HEG1: variants seen among roughly 807,000 people sequenced by gnomAD.
HEG1 encodes the protein protein HEG homolog 1.
A neutral mutation model predicts 125.6 loss-of-function variants in HEG1; 56 were observed. The observed-to-expected ratio is 0.45, with a 90% CI of 0.36 to 0.56. HEG1 has a LOEUF of 0.56. Ranked by LOEUF, HEG1 falls within the 20% of genes least tolerant of loss-of-function variation. The pLI, the probability that HEG1 is intolerant of heterozygous loss-of-function variation, is 0.00. For synonymous variants in HEG1, 644 were observed against 668.5 expected, an observed-to-expected ratio of 0.96 and a Z score of 0.57; for missense variants, 1,523 against 1,670.0, an observed-to-expected ratio of 0.91 and a Z score of 1.53.
At chr3:125,043,821 T>A (rs772840157) in intron 1 of HEG1, among the ~76,000 whole-genome samples, 1 of 151,880 alleles carries the variant, frequency 6.6e-6, no homozygotes, top group Non-Finnish European at 1.5e-5. Flanking sequence ...CCTGCCAGGT[T>A]AGCGAAACAA....
chr3:124,971,702 G>T (rs971090278), intron 16 of HEG1, among the ~76,000 whole-genome samples: 4 of 151,576 alleles, frequency 2.6e-5, no homozygotes, highest in Non-Finnish European at 5.9e-5. Context: ...ATGTTAGCCA[G>T]AATGGTCTCG....
chr3:125,021,353 G>A (rs1054151073), intron 3 of HEG1, among the ~76,000 whole-genome samples: 3 of 151,588 alleles, frequency 2.0e-5, no homozygotes. Flanking sequence ...GGAGAACACC[G>A]AGATCCCTCA....
chr3:124,999,468 G>C (rs1364504502), intron 11 of HEG1, among the ~76,000 whole-genome samples: 1 of 152,190 alleles, frequency 6.6e-6, no homozygotes, highest in Non-Finnish European at 1.5e-5. Context: ...GCTGACACTT[G>C]CCTTGTCCAG....
chr3:124,984,101 A>G (rs1221118452), intron 14 of HEG1, among the ~76,000 whole-genome samples: 2 of 152,220 alleles, frequency 1.3e-5, no homozygotes, highest in African/African-American at 4.8e-5. Flanking sequence ...CATTGGTCTA[A>G]GTCTTTTATA....
chr3:125,008,475 T>C (rs977598297), intron 8 of HEG1, among the ~76,000 whole-genome samples: 9 of 152,218 alleles, frequency 5.9e-5, no homozygotes, highest in African/African-American at 2.2e-4. Context: ...AGATGAGTTA[T>C]TTTATCTGCC....
chr3:125,034,051 T>C (rs576293864), intron 1 of HEG1, among the ~76,000 whole-genome samples: 3 of 150,768 alleles, frequency 2.0e-5, no homozygotes, highest in Admixed American at 1.3e-4. Flanking sequence ...ATGTAAATTA[T>C]ATCTCCAATA....
At chr3:125,045,168 A>T (rs1937643705) in intron 1 of HEG1, among the ~76,000 whole-genome samples, 1 of 152,202 alleles carries the variant, frequency 6.6e-6, no homozygotes, top group African/African-American at 2.4e-5. Flanking sequence ...AGTGAAGCTC[A>T]CTAAACCTGT....
At position 124,972,401 on chromosome 3, in the gene HEG1, C is replaced by T. The variant is rs554432383; in HGVS notation, c.3996+1330G>A. Among the ~76,000 whole-genome samples the T allele has an allele frequency of 1.7e-4, 26 of 152,306 alleles. No individual in the cohort carries two copies. The South Asian group carries it at 1.9e-3, about 11-fold the overall frequency. Reference sequence around the variant, plus strand: ...AGAAATATCAATGGGAATATTTTTGCTAGAGCTAAGTTTGTATTTCTTTAT... The same window carrying T: ...AGAAATATCAATGGGAATATTTTTGTTAGAGCTAAGTTTGTATTTCTTTAT... On this transcript the variant is annotated intron_variant, in intron 16 of 16. Transcript: ENST00000311127.
intron 1 of HEG1, among the ~76,000 whole-genome samples, chr3:125,033,734 G>A (rs139078372): frequency 0.012 from 1,790 of 152,262 alleles, 32 homozygotes; most frequent in African/African-American, 0.04. Flanking sequence ...GTAGCGGTCC[G>A]CGGGCTATTA....
chr3:125,029,271 T>G lies in HEG1; in HGVS notation c.534A>C (p.Arg178Ser), dbSNP rs373195927. ...DARGRSGSSS[R>S]TNFTILPVGY... is the part of the protein sequence containing the mutation. Reference sequence around the variant, plus strand: ...CAACAGGCAAAATGGTGAAGTTTGTTCTACTTGAAGAGCCGCTCCTTCCTC... The same window carrying G: ...CAACAGGCAAAATGGTGAAGTTTGTGCTACTTGAAGAGCCGCTCCTTCCTC... The change falls in exon 2 of 17, where the codon AGA becomes AGC. Residue 178 changes from arginine (R) to serine (S), a missense_variant. Coordinates refer to ENST00000311127, the MANE Select transcript of HEG1 (RefSeq NM_020733.2). 27 of 1,613,654 alleles carry G rather than the reference T, an allele frequency of 1.7e-5. No homozygotes were observed. Among genetic ancestry groups the G allele is most frequent in the African/African-American group, 2.7e-5 (2 of 74,930 alleles).
intron 11 of HEG1, 96 bp from the exon 12 acceptor site, chr3:124,997,919 A>G (rs2107694557): frequency 1.5e-6 from 2 of 1,307,692 alleles, no homozygotes; most frequent in East Asian, 2.7e-5. Context: ...GTCTGCATGA[A>G]CTCTCTATTT....
At chr3:124,981,554 G>C (rs1245180567) in intron 14 of HEG1, among the ~76,000 whole-genome samples, 3 of 152,168 alleles carry the variant, frequency 2.0e-5, no homozygotes, top group Non-Finnish European at 2.9e-5. Flanking sequence ...CAAGAAATTT[G>C]GTTCAGTCAT....
chr3:125,027,456 A>G lies in HEG1; in HGVS notation c.662T>C (p.Ile221Thr), dbSNP rs1156894550. Residue 221 changes from isoleucine to threonine, a missense_variant, in exon 3 of 17, where the codon ATT (isoleucine) becomes ACT (threonine). Ile to Thr is a moderately conservative substitution (Grantham distance 89). Coordinates refer to ENST00000311127, the MANE Select transcript of HEG1 (RefSeq NM_020733.2). ...TCCACTCTTTGTTTGAAAAGCGGCA[A>G]TTCTTTCATCGAACTCTGAACTGCT... is the stretch of plus-strand genomic sequence containing the variant. ...PSSSSEFDER[I>T]AAFQTKSGTA... is the part of the protein sequence containing the mutation. 3.7e-6 allele frequency: 6 copies of G among 1,613,550 alleles called. No individual in the cohort carries two copies. Among genetic ancestry groups the G allele is most frequent in the East Asian group, 2.2e-5 (1 of 44,890 alleles).
chr3:124,989,970 T>C lies in HEG1; in HGVS notation c.3733+817A>G, dbSNP rs1045360204. Among the ~76,000 whole-genome samples the C allele has an allele frequency of 1.2e-4, 19 of 152,286 alleles. No individual in the cohort carries two copies. In the South Asian group the frequency reaches 1.7e-3, roughly 13 times the overall value. ...TCTACTTTCTGCCTTCCGATCTTCC[T>C]ATCTTCCAGCCACATCCACTTACAC... On this transcript the variant is annotated intron_variant, in intron 14 of 16. Coordinates refer to ENST00000311127, the MANE Select transcript of HEG1 (RefSeq NM_020733.2).
intron 14 of HEG1, among the ~76,000 whole-genome samples, chr3:124,987,352 A>C (rs1231667368): frequency 6.6e-6 from 1 of 152,024 alleles, no homozygotes; most frequent in Non-Finnish European, 1.5e-5. Context: ...GGCTCACCCG[A>C]GGGGCACACG....
intron 11 of HEG1, 113 bp downstream of exon 11, chr3:125,001,739 A>AC: frequency 8.5e-7 from 1 of 1,178,336 alleles, no homozygotes; most frequent in Non-Finnish European, 1.2e-6. Flanking sequence ...CCATGCCAAA[A>AC]ATAGGCTCTG....
chr3:125,040,048 A>C (rs1937580288), intron 1 of HEG1, among the ~76,000 whole-genome samples: 1 of 152,224 alleles, frequency 6.6e-6, no homozygotes, highest in African/African-American at 2.4e-5. Flanking sequence ...CTTCTAACTC[A>C]GAGAGGATTT....
intron 1 of HEG1, among the ~76,000 whole-genome samples, chr3:125,037,567 T>A (rs917399091): frequency 6.6e-6 from 1 of 152,224 alleles, no homozygotes; most frequent in South Asian, 2.1e-4. Flanking sequence ...GTCATGGCCA[T>A]AACTGGTAGC....
chr3:125,043,226 C>T (rs1204838102), intron 1 of HEG1, among the ~76,000 whole-genome samples: 3 of 152,208 alleles, frequency 2.0e-5, no homozygotes, highest in Admixed American at 6.5e-5. Flanking sequence ...GGGTGACAGA[C>T]GTCTGCTGGA....
Sources: gnomAD v4.1 joint callset for allele counts (sites outside exome capture counted in the v4.1 genomes callset) on GRCh38, gnomAD v4.1.1 for gene constraint, MANE v1.5 for transcripts, NCBI Gene and HGNC (gene_info 2026-07-23, HGNC 2026-07-21) for gene names.